Variants in ANK3 observed in about 807,000 individuals in gnomAD.
The protein encoded by ANK3 is ankyrin-3.
A neutral mutation model predicts 370.9 loss-of-function variants in ANK3; 57 were observed. The observed-to-expected ratio is 0.15, with a 90% CI of 0.12 to 0.19. The LOEUF (loss-of-function observed/expected upper bound fraction) is 0.19, where lower values mean the gene tolerates loss of function less well. Ranked by LOEUF, ANK3 falls within the 10% of genes least tolerant of loss-of-function variation. The pLI is 1.00. For synonymous variants in ANK3, 1,929 were observed against 1,946.3 expected (o/e 0.99, Z 0.23); for missense variants, 4,439 against 5,302.1 (o/e 0.84, Z 5.06).
At chr10:60,201,537 T>G (rs2096673605) in intron 12 of ANK3, among the ~76,000 whole-genome samples, 1 of 152,180 alleles carries the variant, frequency 6.6e-6, no homozygotes, top group Non-Finnish European at 1.5e-5. Context: ...GGGTGGTAAG[T>G]TACCACTCTG....
chr10:60,425,598 C>A (rs948662879), intron 2 of ANK3, among the ~76,000 whole-genome samples: 11 of 152,106 alleles, frequency 7.2e-5, no homozygotes, highest in Non-Finnish European at 8.8e-5. Flanking sequence ...AAACAACCAA[C>A]CCTGATGATA....
intron 2 of ANK3, among the ~76,000 whole-genome samples, chr10:60,395,550 C>CTCTTTCTTTCTTTCTTTCTTTCTTTCTTT (rs2063202641): frequency 9.2e-6 from 1 of 108,384 alleles, no homozygotes; most frequent in Admixed American, 1.0e-4. Flanking sequence ...ACTACTATGC[C>CTCTTTCTTTCTTTCTTTCTTTCTTTCTTT]TCTTTCTTTC....
chr10:60,127,741 C>T (rs2093839878), intron 25 of ANK3, among the ~76,000 whole-genome samples: 1 of 149,830 alleles, frequency 6.7e-6, no homozygotes, highest in Admixed American at 6.7e-5. Context: ...CTCTGTCTCC[C>T]AGGCTGGAGT....
chr10:60,150,233 C>T (rs1395923812), intron 23 of ANK3, among the ~76,000 whole-genome samples: 3 of 152,066 alleles, frequency 2.0e-5, no homozygotes, highest in Non-Finnish European at 2.9e-5. Context: ...GGCGTCTGCA[C>T]CCTTGTCCCC....
intron 25 of ANK3, among the ~76,000 whole-genome samples, chr10:60,117,008 T>C (rs1256890116): frequency 6.6e-6 from 1 of 152,184 alleles, no homozygotes; most frequent in Non-Finnish European, 1.5e-5. Flanking sequence ...TGTCAGACTT[T>C]TAACAGCAAA....
intron 1 of ANK3, among the ~76,000 whole-genome samples, chr10:60,627,858 T>G (rs2078432577): frequency 6.6e-6 from 1 of 152,148 alleles, no homozygotes; most frequent in African/African-American, 2.4e-5. Flanking sequence ...ATCACTAGTG[T>G]TGTTATCTTC....
chr10:60,060,900 AG>A (rs1415201383), intron 40 of ANK3, among the ~76,000 whole-genome samples: 1 of 152,160 alleles, frequency 6.6e-6, no homozygotes, highest in African/African-American at 2.4e-5. Context: ...CCTACACAAA[AG>A]GGGAGGGGGG....
At chr10:60,217,683 C>T (rs2096963113) in intron 8 of ANK3, among the ~76,000 whole-genome samples, 1 of 152,110 alleles carries the variant, frequency 6.6e-6, no homozygotes, top group South Asian at 2.1e-4. Flanking sequence ...ATCATATGAT[C>T]GATTTTCGAA....
At chr10:60,128,571 G>A (rs768491854) in intron 25 of ANK3, among the ~76,000 whole-genome samples, 1 of 152,016 alleles carries the variant, frequency 6.6e-6, no homozygotes, top group African/African-American at 2.4e-5. Flanking sequence ...AGTAGAGACA[G>A]GGTTTCACCA....
Position 60,396,692 on chromosome 10 carries a change from C to T in ANK3, c.97-117053G>A, listed in dbSNP as rs570881769. 2.0e-4 allele frequency among the ~76,000 whole-genome samples: 30 copies of T among 152,140 alleles called. No homozygotes were observed. The East Asian group carries it at 4.1e-3, about 21-fold the overall frequency. Reference sequence around the variant, plus strand: ...TTCTTCTGATAATTCAATAAACTCTCGTAATTTAATGTCTATATAGTAATT... The same window carrying T: ...TTCTTCTGATAATTCAATAAACTCTTGTAATTTAATGTCTATATAGTAATT... On this transcript the variant is annotated intron_variant, in intron 2 of 43. Transcript: ENST00000373827.
chr10:60,620,182 C>T (rs1251661814), intron 1 of ANK3, among the ~76,000 whole-genome samples: 1 of 152,120 alleles, frequency 6.6e-6, no homozygotes, highest in African/African-American at 2.4e-5. Context: ...TGGTGACTTT[C>T]CATATCTGAC....
In ANK3 at chr10:60,666,759, T is replaced by C. The variant is rs541785015; in HGVS notation, c.58-51535A>G. Among the ~76,000 whole-genome samples the C allele has an allele frequency of 2.6e-5, 4 of 152,308 alleles. No individual in the cohort carries two copies. The South Asian group carries it at 8.3e-4, about 32-fold the overall frequency. Reference sequence around the variant, plus strand: ...CATTCTCATTCACTGAATTCCAGTGTGATTTCTGGAGAAGGAAGGAAAAAG... The same window carrying C: ...CATTCTCATTCACTGAATTCCAGTGCGATTTCTGGAGAAGGAAGGAAAAAG... On this transcript the variant is annotated intron_variant, in intron 1 of 43. Transcript: ENST00000373827.
chr10:60,630,620 C>T (rs556520837), intron 1 of ANK3, among the ~76,000 whole-genome samples: 2 of 152,170 alleles, frequency 1.3e-5, no homozygotes, highest in South Asian at 2.1e-4. Context: ...AAGGAAGGGG[C>T]TGTGAAATTG....
chr10:60,611,899 C>T lies in ANK3; in HGVS notation c.96+3287G>A, dbSNP rs182868622. ...TTATCAAAGCAGTGGAGAAGTGGGG[C>T]GAAGAAATGGGGAAAGAATCAGATA... On this transcript the variant is annotated intron_variant, in intron 2 of 43. Transcript: ENST00000373827. 2.8e-4 allele frequency among the ~76,000 whole-genome samples: 42 copies of T among 151,048 alleles called. 2 individuals carry two copies. The highest frequency in any genetic ancestry group is 1.6e-3 in the East Asian group (8 of 5,128).
intron 1 of ANK3, among the ~76,000 whole-genome samples, chr10:60,674,052 T>C (rs1014401183): frequency 5.3e-5 from 8 of 152,162 alleles, no homozygotes; most frequent in African/African-American, 1.9e-4. Context: ...GTAGCCTTCC[T>C]TGATTGCGGG....
chr10:60,580,975 A>G (rs2077743139), intron 2 of ANK3, among the ~76,000 whole-genome samples: 1 of 152,198 alleles, frequency 6.6e-6, no homozygotes, highest in Admixed American at 6.6e-5. Context: ...TGCTATCCCC[A>G]ATATTCTGAT....
chr10:60,048,529 C>T (rs2077316821), intron 42 of ANK3, among the ~76,000 whole-genome samples: 1 of 152,098 alleles, frequency 6.6e-6, no homozygotes, highest in Non-Finnish European at 1.5e-5. Flanking sequence ...ATGCTCAAGT[C>T]CCAGATATAA....
intron 2 of ANK3, among the ~76,000 whole-genome samples, chr10:60,408,223 A>C (rs769162825): frequency 6.6e-6 from 1 of 152,024 alleles, no homozygotes. Context: ...TATACTTTGG[A>C]TCTGTGTCCC....
intron 24 of ANK3, among the ~76,000 whole-genome samples, chr10:60,135,730 T>C (rs1195921092): frequency 6.6e-6 from 1 of 152,244 alleles, no homozygotes; most frequent in East Asian, 1.9e-4. Flanking sequence ...AATGATTCTT[T>C]GCATGAAACA....
Sources: gnomAD v4.1 joint callset for allele counts (sites outside exome capture counted in the v4.1 genomes callset) on GRCh38, gnomAD v4.1.1 for gene constraint, MANE v1.5 for transcripts, NCBI Gene and HGNC (gene_info 2026-07-23, HGNC 2026-07-21) for gene names.